The following PRKCA variants were observed in gnomAD, a reference collection of about 807,000 sequenced individuals.
PRKCA encodes the protein protein kinase C alpha type.
PRKCA carries 27 observed loss-of-function variants against 87.0 expected under a neutral mutation model. The observed-to-expected ratio is 0.31, with a 90% CI of 0.23 to 0.43. PRKCA has a LOEUF of 0.43. Among genes scored for constraint, PRKCA ranks in the 20% least tolerant of loss-of-function variants. PRKCA has a pLI of 1.00. For synonymous variants in PRKCA, 329 were observed against 311.1 expected (o/e 1.06, Z -0.61); for missense variants, 518 against 852.3 (o/e 0.61, Z 4.88).
At chr17:66,305,957 G>C in intron 1 of PRKCA, 139 bp from the exon 2 acceptor site, 1 of 771,058 alleles carries the variant, frequency 1.3e-6, no homozygotes, top group South Asian at 1.6e-5. Context: ...TAGATATTTA[G>C]GTATGTTTTT....
intron 5 of PRKCA, among the ~76,000 whole-genome samples, chr17:66,664,679 T>C (rs1462482476): frequency 7.7e-6 from 1 of 130,526 alleles, no homozygotes; most frequent in Non-Finnish European, 1.6e-5. Context: ...TTTTTGGCAA[T>C]GTCTTGCTGT....
chr17:66,344,821 A>G (rs2143380332), intron 2 of PRKCA, among the ~76,000 whole-genome samples: 1 of 152,276 alleles, frequency 6.6e-6, no homozygotes, highest in South Asian at 2.1e-4. Flanking sequence ...GCTGGGGTGC[A>G]CTTGCGCGAT....
chr17:66,729,780 CTTTTTTTTT>C (rs60247180), intron 8 of PRKCA, among the ~76,000 whole-genome samples: 1 of 105,104 alleles, frequency 9.5e-6, no homozygotes, highest in Admixed American at 1.2e-4. Flanking sequence ...GCGAGTTATT[CTTTTTTTTT>C]TTTTTTTTTT....
chr17:66,501,965 G>T lies in PRKCA; in HGVS notation c.288+5682G>T, dbSNP rs182387830. ...TGATGGGGTGGGGCAGATTCAGGAA[G>T]GGCTAGTGGTGTGGGGTCTGCAGGG... On this transcript the variant is annotated intron_variant, in intron 3 of 16. Transcript: ENST00000413366. 3.1e-3 allele frequency among the ~76,000 whole-genome samples: 467 copies of T among 152,322 alleles called. 3 individuals carry two copies. The highest frequency in any genetic ancestry group is 0.011 in the African/African-American group (437 of 41,570).
At chr17:66,488,862 G>GA (rs1423574774) in intron 2 of PRKCA, among the ~76,000 whole-genome samples, 1 of 152,142 alleles carries the variant, frequency 6.6e-6, no homozygotes, top group Admixed American at 6.5e-5. Flanking sequence ...TGTATCCCAG[G>GA]AGAAGACTGT....
At chr17:66,703,937 AG>A (rs1973129810) in intron 8 of PRKCA, 1 of 152,186 alleles carries the variant, frequency 6.6e-6, no homozygotes, top group African/African-American at 2.4e-5. Context: ...TGTGACTGGC[AG>A]TACAGTACCT....
chr17:66,555,364 C>T (rs1968463409), intron 3 of PRKCA, among the ~76,000 whole-genome samples: 1 of 152,126 alleles, frequency 6.6e-6, no homozygotes, highest in African/African-American at 2.4e-5. Context: ...TGGAAGTTGC[C>T]ACCTGCAGAT....
In PRKCA at chr17:66,485,500, G is replaced by A. The variant is rs575502161; in HGVS notation, c.206-10701G>A. On this transcript the variant is annotated intron_variant, in intron 2 of 16. Coordinates refer to ENST00000413366, the MANE Select transcript of PRKCA (RefSeq NM_002737.3). The stretch of plus-strand genomic sequence containing the variant: ...AGAGCTCATTCTTCATTTGCATTAC[G>A]TGAGAATCGAAGCCTGAGTTCTGAG... Among the ~76,000 whole-genome samples the A allele has an allele frequency of 2.1e-4, 32 of 152,308 alleles. 1 individual carries two copies. The highest frequency in any genetic ancestry group is 1.7e-4 in the African/African-American group (7 of 41,562).
chr17:66,365,594 AACTCTTTGTAT>A (rs67671251), intron 2 of PRKCA, among the ~76,000 whole-genome samples: 86,040 of 151,570 alleles, frequency 0.57, 25,742 homozygotes, highest in Non-Finnish European at 0.67. Context: ...CAAATAGATT[AACTCTTTGTAT>A]ACTCTTTGGT....
At chr17:66,462,534 C>T (rs1031553950) in intron 2 of PRKCA, among the ~76,000 whole-genome samples, 3 of 152,060 alleles carry the variant, frequency 2.0e-5, no homozygotes, top group Non-Finnish European at 2.9e-5. Flanking sequence ...TTTCTGTGAA[C>T]GTTTTCATTG....
chr17:66,514,168 A>G (rs1429207058), intron 3 of PRKCA, among the ~76,000 whole-genome samples: 1 of 152,208 alleles, frequency 6.6e-6, no homozygotes, highest in East Asian at 1.9e-4. Flanking sequence ...GTATGTACAT[A>G]TAGGAAAAAC....
chr17:66,654,014 T>C (rs944088566), intron 5 of PRKCA, among the ~76,000 whole-genome samples: 7 of 152,196 alleles, frequency 4.6e-5, no homozygotes, highest in Non-Finnish European at 8.8e-5. Context: ...TGCATTAATT[T>C]TCCCTGGGGA....
chr17:66,348,574 A>G (rs146671946), intron 2 of PRKCA, among the ~76,000 whole-genome samples: 54 of 152,348 alleles, frequency 3.5e-4, no homozygotes, highest in African/African-American at 1.1e-3. Context: ...TAAAATTCAT[A>G]CTAATAAAGT....
At chr17:66,454,365 A>C (rs926612834) in intron 2 of PRKCA, among the ~76,000 whole-genome samples, 1 of 152,232 alleles carries the variant, frequency 6.6e-6, no homozygotes, top group Non-Finnish European at 1.5e-5. Context: ...AGCAAAGACC[A>C]TGGAGGTGAG....
At chr17:66,687,498 T>G (rs557101295) in intron 6 of PRKCA, among the ~76,000 whole-genome samples, 57 of 152,342 alleles carry the variant, frequency 3.7e-4, no homozygotes, top group Non-Finnish European at 7.2e-4. Context: ...TTATCTAATC[T>G]GGATAAACAA....
chr17:66,700,247 T>G (rs886472000), intron 8 of PRKCA, among the ~76,000 whole-genome samples: 3 of 152,172 alleles, frequency 2.0e-5, no homozygotes, highest in African/African-American at 7.2e-5. Flanking sequence ...TTTGACAAAA[T>G]TTAATGCCCT....
At chr17:66,717,714 C>T (rs1973511678) in intron 8 of PRKCA, among the ~76,000 whole-genome samples, 1 of 152,200 alleles carries the variant, frequency 6.6e-6, no homozygotes, top group Non-Finnish European at 1.5e-5. Flanking sequence ...TGCCACGAAG[C>T]GGCGCAGAGG....
chr17:66,486,034 T>G (rs759486246), intron 2 of PRKCA, among the ~76,000 whole-genome samples: 2 of 152,108 alleles, frequency 1.3e-5, no homozygotes, highest in Non-Finnish European at 2.9e-5. Context: ...TACTGCCAAG[T>G]GAGGAAGGCT....
intron 3 of PRKCA, among the ~76,000 whole-genome samples, chr17:66,556,323 C>CT (rs61549626): frequency 0.2 from 26,254 of 128,922 alleles, 3,247 homozygotes; most frequent in African/African-American, 0.33. Flanking sequence ...CTTTCTTCTT[C>CT]TTTTTTTTTT....
Sources: allele counts gnomAD v4.1 joint callset (sites outside exome capture counted in the v4.1 genomes callset), GRCh38; gene constraint gnomAD v4.1.1; transcripts MANE v1.5; gene names NCBI Gene and HGNC (gene_info 2026-07-23, HGNC 2026-07-21).